GRM8: variants seen among roughly 807,000 people sequenced by gnomAD.
GRM8 encodes the protein glutamate metabotropic receptor 8.
In GRM8, 47 loss-of-function variants were observed where a neutral mutation model predicts 87.2. The observed-to-expected ratio is 0.54, with a 90% confidence interval of 0.43 to 0.69. The LOEUF is 0.69. Among genes scored for constraint, GRM8 ranks in the 30% least tolerant of loss-of-function variants. The probability of loss-of-function intolerance (pLI) is 0.00; values close to 1 mark genes in which losing one functional copy is unlikely to be tolerated. For missense variants in GRM8, 1,019 were observed against 1,139.2 expected, an observed-to-expected ratio of 0.89 and a Z score of 1.52; for synonymous variants, 396 against 404.5, an observed-to-expected ratio of 0.98 and a Z score of 0.25.
At chr7:127,113,514 A>T (rs1418278336) in intron 2 of GRM8, among the ~76,000 whole-genome samples, 1 of 152,108 alleles carries the variant, frequency 6.6e-6, no homozygotes, top group Non-Finnish European at 1.5e-5. Flanking sequence ...TGTTCTCTGC[A>T]AACAACCTTG....
intron 8 of GRM8, among the ~76,000 whole-genome samples, chr7:126,596,167 T>C (rs1158604762): frequency 2.6e-5 from 4 of 152,200 alleles, no homozygotes; most frequent in African/African-American, 4.8e-5. Flanking sequence ...TTTGGGTATA[T>C]ACGCCAGTAA....
At chr7:126,929,055 G>A (rs538701423) in intron 3 of GRM8, among the ~76,000 whole-genome samples, 1 of 152,214 alleles carries the variant, frequency 6.6e-6, no homozygotes, top group South Asian at 2.1e-4. Context: ...TACTCAGTAT[G>A]GAAGGAGGAA....
intron 2 of GRM8, among the ~76,000 whole-genome samples, chr7:127,115,242 G>A (rs1174388463): frequency 1.3e-5 from 2 of 152,198 alleles, no homozygotes; most frequent in South Asian, 4.1e-4. Flanking sequence ...GCAAAAGAAA[G>A]TGGTTGTGGC....
chr7:126,624,102 T>C (rs1274713863), intron 7 of GRM8, among the ~76,000 whole-genome samples: 1 of 152,230 alleles, frequency 6.6e-6, no homozygotes, highest in African/African-American at 2.4e-5. Flanking sequence ...GCATTCACAC[T>C]GAACAACAAC....
At chr7:126,794,903 G>A (rs1021179045) in intron 6 of GRM8, among the ~76,000 whole-genome samples, 2 of 152,246 alleles carry the variant, frequency 1.3e-5, no homozygotes, top group South Asian at 2.1e-4. Flanking sequence ...CAAGTCGGCT[G>A]TACATTATAC....
At chr7:126,917,732 A>G (rs184555258) in intron 3 of GRM8, among the ~76,000 whole-genome samples, 1 of 152,304 alleles carries the variant, frequency 6.6e-6, no homozygotes, top group East Asian at 1.9e-4. Context: ...GGTTGCCTCA[A>G]TGTACATAAT....
At chr7:126,547,291 A>G (rs1817259130) in intron 8 of GRM8, among the ~76,000 whole-genome samples, 2 of 152,174 alleles carry the variant, frequency 1.3e-5, no homozygotes, top group Non-Finnish European at 2.9e-5. Flanking sequence ...TAGAGAGAAA[A>G]GTAATTTGGG....
At chr7:126,684,787 C>T (rs538168230) in intron 7 of GRM8, among the ~76,000 whole-genome samples, 9 of 152,312 alleles carry the variant, frequency 5.9e-5, no homozygotes, top group Non-Finnish European at 1.0e-4. Flanking sequence ...ATCTTGTGTT[C>T]TGTGTATTTT....
chr7:126,516,244 T>G (rs1264457676), intron 9 of GRM8, among the ~76,000 whole-genome samples: 1 of 151,876 alleles, frequency 6.6e-6, no homozygotes, highest in East Asian at 1.9e-4. Flanking sequence ...GTATGACACA[T>G]TTACACAAAA....
chr7:126,776,134 A>G (rs1819446579), intron 6 of GRM8, among the ~76,000 whole-genome samples: 1 of 152,178 alleles, frequency 6.6e-6, no homozygotes, highest in Non-Finnish European at 1.5e-5. Flanking sequence ...GAAATGGAGA[A>G]CTATGATCAA....
In GRM8 at chr7:126,862,521, A is replaced by G. The variant is rs186829212; in HGVS notation, c.1156+40021T>C. Among the ~76,000 whole-genome samples, 338 of 152,070 alleles carry G rather than the reference A, an allele frequency of 2.2e-3. 2 individuals are homozygous for G. The highest frequency in any genetic ancestry group is 7.8e-3 in the African/African-American group (323 of 41,522). On this transcript the variant is annotated intron_variant, in intron 6 of 10. Transcript: ENST00000339582. ...GCAACCATTTTGTTCTTTATTTTCCATTCCCTACATACTTTTCTTAACTTT... is the reference window on the plus strand; with the variant it reads ...GCAACCATTTTGTTCTTTATTTTCCGTTCCCTACATACTTTTCTTAACTTT...
intron 2 of GRM8, among the ~76,000 whole-genome samples, chr7:127,188,213 T>C (rs1794836638): frequency 6.6e-6 from 1 of 152,200 alleles, no homozygotes; most frequent in African/African-American, 2.4e-5. Flanking sequence ...ACTTTATAGA[T>C]GAGAAAACTG....
At chr7:126,874,079 G>A (rs982309491) in intron 6 of GRM8, among the ~76,000 whole-genome samples, 4 of 151,934 alleles carry the variant, frequency 2.6e-5, no homozygotes, top group Non-Finnish European at 4.4e-5. Flanking sequence ...TATCATTTGT[G>A]TTGTCAAATT....
intron 7 of GRM8, among the ~76,000 whole-genome samples, chr7:126,763,442 C>CATATATATATATATATATATAT (rs750564318): frequency 8.3e-6 from 1 of 119,902 alleles, no homozygotes; most frequent in Non-Finnish European, 1.7e-5. Flanking sequence ...ATGATAAATT[C>CATATATATATATATATATATAT]ATATATATAT....
chr7:126,723,737 T>G (rs866270439), intron 7 of GRM8, among the ~76,000 whole-genome samples: 2 of 152,212 alleles, frequency 1.3e-5, no homozygotes, highest in Middle Eastern at 3.4e-3. Context: ...CAAGAGAATT[T>G]TACAATTAGC....
intron 3 of GRM8, among the ~76,000 whole-genome samples, chr7:126,994,001 G>C (rs1469152449): frequency 2.0e-5 from 3 of 152,198 alleles, no homozygotes; most frequent in South Asian, 4.1e-4. Context: ...AAAGACACCA[G>C]ATGGGCCAGC....
intron 6 of GRM8, among the ~76,000 whole-genome samples, chr7:126,871,539 C>T (rs1025831948): frequency 6.6e-6 from 1 of 152,080 alleles, no homozygotes; most frequent in African/African-American, 2.4e-5. Flanking sequence ...GGGAACAAGG[C>T]AGAAGAAAGA....
chr7:127,130,510 A>G (rs906993108), intron 2 of GRM8, among the ~76,000 whole-genome samples: 2 of 152,180 alleles, frequency 1.3e-5, no homozygotes, highest in African/African-American at 2.4e-5. Context: ...CAGGTCACTC[A>G]TGTTATGCTT....
At chr7:127,139,711 G>T (rs537556523) in intron 2 of GRM8, among the ~76,000 whole-genome samples, 1 of 152,204 alleles carries the variant, frequency 6.6e-6, no homozygotes, top group African/African-American at 2.4e-5. Flanking sequence ...TGGAAAGCCT[G>T]TGTTAGAGTA....
Sources: gnomAD v4.1 joint callset for allele counts (sites outside exome capture counted in the v4.1 genomes callset) on GRCh38, gnomAD v4.1.1 for gene constraint, MANE v1.5 for transcripts, NCBI Gene and HGNC (gene_info 2026-07-23, HGNC 2026-07-21) for gene names.